LSAMP: variants seen among roughly 807,000 people sequenced by gnomAD.
LSAMP encodes the protein limbic system-associated membrane protein.
LSAMP carries 7 observed loss-of-function variants against 38.6 expected under a neutral mutation model. The ratio of observed to expected loss-of-function variants is 0.18; its 90% CI spans 0.10 to 0.34. The LOEUF (loss-of-function observed/expected upper bound fraction) is 0.34. Ranked by LOEUF, LSAMP falls within the 10% of genes least tolerant of loss-of-function variation. The pLI is 1.00. For missense variants in LSAMP, 313 were observed against 420.0 expected (o/e 0.75, Z 2.23); for synonymous variants, 154 against 166.8 (o/e 0.92, Z 0.59).
intron 1 of LSAMP, among the ~76,000 whole-genome samples, chr3:116,341,097 T>C (rs2047988845): frequency 6.6e-6 from 1 of 152,030 alleles, no homozygotes; most frequent in Admixed American, 6.6e-5. Context: ...ACTTTAAAAA[T>C]GGATTTTTGT....
intron 3 of LSAMP, among the ~76,000 whole-genome samples, chr3:115,977,921 T>TA (rs1057039146): frequency 4.6e-5 from 7 of 152,078 alleles, no homozygotes; most frequent in African/African-American, 1.7e-4. Flanking sequence ...CCTAAGTTAT[T>TA]AAAAAAATGG....
intron 3 of LSAMP, among the ~76,000 whole-genome samples, chr3:115,934,696 A>G (rs1937641308): frequency 6.6e-6 from 1 of 152,208 alleles, no homozygotes; most frequent in Non-Finnish European, 1.5e-5. Flanking sequence ...CAGATTGCTT[A>G]TATCAGCTTC....
chr3:116,211,122 T>C (rs1338756380), intron 1 of LSAMP, among the ~76,000 whole-genome samples: 1 of 151,932 alleles, frequency 6.6e-6, no homozygotes, highest in African/African-American at 2.4e-5. Context: ...CTCACTTATA[T>C]GTAAAATCTA....
intron 3 of LSAMP, among the ~76,000 whole-genome samples, chr3:116,004,820 T>C (rs1488410907): frequency 6.6e-6 from 1 of 152,152 alleles, no homozygotes; most frequent in African/African-American, 2.4e-5. Context: ...CAATTCTCTC[T>C]GGACCCAATT....
At position 116,440,296 on chromosome 3, in the gene LSAMP, T is replaced by C. The variant is rs1224864030; in HGVS notation, c.155+4581A>G. 2.6e-5 allele frequency among the ~76,000 whole-genome samples: 4 copies of C among 152,182 alleles called. No individual in the cohort carries two copies. The East Asian group carries it at 5.8e-4, about 22-fold the overall frequency. ...TCAGGGGAGTCACAGCCCTTTGTAT[T>C]TGGCACTCTCAGAGACCAGGGTAAA... On this transcript the variant is annotated intron_variant, in intron 1 of 6. Transcript: ENST00000490035.
At chr3:116,223,941 T>C (rs966518664) in intron 1 of LSAMP, among the ~76,000 whole-genome samples, 1 of 152,188 alleles carries the variant, frequency 6.6e-6, no homozygotes, top group African/African-American at 2.4e-5. Context: ...TATTTTAAAG[T>C]GGCTTCTTTG....
At chr3:116,287,820 C>T (rs1170423392) in intron 1 of LSAMP, among the ~76,000 whole-genome samples, 1 of 152,184 alleles carries the variant, frequency 6.6e-6, no homozygotes, top group East Asian at 1.9e-4. Context: ...TCTGCCTGCT[C>T]TTATAGAGCT....
chr3:115,880,365 A>T (rs928181134), intron 3 of LSAMP, among the ~76,000 whole-genome samples: 3 of 152,060 alleles, frequency 2.0e-5, no homozygotes, highest in Non-Finnish European at 4.4e-5. Context: ...ATATTGTTCC[A>T]TTTTTCCTTT....
intron 2 of LSAMP, among the ~76,000 whole-genome samples, chr3:116,083,736 G>C (rs1707924805): frequency 6.6e-6 from 1 of 152,174 alleles, no homozygotes; most frequent in Non-Finnish European, 1.5e-5. Flanking sequence ...AAAGGGAGAT[G>C]TCAGCCATTC....
intron 3 of LSAMP, among the ~76,000 whole-genome samples, chr3:115,961,663 C>T (rs1009805339): frequency 7.2e-5 from 11 of 152,154 alleles, no homozygotes; most frequent in African/African-American, 2.7e-4. Flanking sequence ...GAGAACACCA[C>T]GTGGGGCAGT....
chr3:116,024,088 G>C (rs57139026), intron 2 of LSAMP, among the ~76,000 whole-genome samples: 12,279 of 152,010 alleles, frequency 0.081, 1,587 homozygotes, highest in African/African-American at 0.28. Flanking sequence ...GTGAAATGCC[G>C]TGCTGTGTTC....
chr3:116,194,326 C>A (rs1710825464), intron 1 of LSAMP, among the ~76,000 whole-genome samples: 1 of 152,190 alleles, frequency 6.6e-6, no homozygotes, highest in South Asian at 2.1e-4. Context: ...TTTTCAATTT[C>A]TCCCGTGGAT....
At position 116,219,718 on chromosome 3, in the gene LSAMP, C is replaced by G. The variant is rs80351690; in HGVS notation, c.156-133162G>C. ...GAAGAAAATATTTGTAAACCATATA[C>G]CTGATAAGGGGATAATATCCAAAAT... is the stretch of plus-strand genomic sequence containing the variant. On this transcript the variant is annotated intron_variant, in intron 1 of 6. Coordinates refer to ENST00000490035, the MANE Select transcript of LSAMP (RefSeq NM_002338.5). Among the ~76,000 whole-genome samples, 136 of 152,092 alleles carry G rather than the reference C, an allele frequency of 8.9e-4. 3 individuals are homozygous for G. In the East Asian group the frequency reaches 0.023, roughly 26 times the overall value.
At chr3:116,106,386 T>G (rs1434574285) in intron 1 of LSAMP, among the ~76,000 whole-genome samples, 2 of 152,092 alleles carry the variant, frequency 1.3e-5, no homozygotes, top group Admixed American at 1.3e-4. Flanking sequence ...GGGTACAGTC[T>G]AAGTTGGTCT....
At chr3:116,165,723 T>C (rs1271500609) in intron 1 of LSAMP, among the ~76,000 whole-genome samples, 1 of 152,214 alleles carries the variant, frequency 6.6e-6, no homozygotes, top group African/African-American at 2.4e-5. Context: ...TTAGTTTTTC[T>C]CTACCCCACA....
At chr3:116,280,865 T>A (rs1033220327) in intron 1 of LSAMP, among the ~76,000 whole-genome samples, 3 of 152,072 alleles carry the variant, frequency 2.0e-5, no homozygotes, top group African/African-American at 7.2e-5. Context: ...CAGAATAGTG[T>A]GATAGTTTTT....
At chr3:116,263,255 G>T (rs1446242197) in intron 1 of LSAMP, among the ~76,000 whole-genome samples, 1 of 152,072 alleles carries the variant, frequency 6.6e-6, no homozygotes, top group Non-Finnish European at 1.5e-5. Context: ...AAAAAGGATG[G>T]GGCTGGGTGC....
chr3:116,039,029 A>G (rs1258138570), intron 2 of LSAMP, among the ~76,000 whole-genome samples: 1 of 152,144 alleles, frequency 6.6e-6, no homozygotes, highest in Non-Finnish European at 1.5e-5. Flanking sequence ...TTTCCCTGCC[A>G]GTGTTTGCAA....
intron 1 of LSAMP, among the ~76,000 whole-genome samples, chr3:116,368,796 A>G (rs2048392225): frequency 6.6e-6 from 1 of 152,250 alleles, no homozygotes; most frequent in South Asian, 2.1e-4. Flanking sequence ...ATCATATGTC[A>G]TATAACAAAA....
Sources: allele counts gnomAD v4.1 joint callset (sites outside exome capture counted in the v4.1 genomes callset), GRCh38; gene constraint gnomAD v4.1.1; transcripts MANE v1.5; gene names NCBI Gene and HGNC (gene_info 2026-07-23, HGNC 2026-07-21).